The following FCHSD2 variants were observed in gnomAD, a reference collection of about 807,000 sequenced individuals.
FCHSD2 encodes FCH and double SH3 domains 2.
In FCHSD2, 38 loss-of-function variants were observed where a neutral mutation model predicts 108.1. The ratio of observed to expected loss-of-function variants is 0.35; its 90% CI spans 0.27 to 0.46. FCHSD2 has a LOEUF of 0.46. Among genes scored for constraint, FCHSD2 ranks in the 20% least tolerant of loss-of-function variants. The pLI is 1.00. For missense variants in FCHSD2, 751 were observed against 897.8 expected, an observed-to-expected ratio of 0.84 and a Z score of 2.09; for synonymous variants, 279 against 314.7, an observed-to-expected ratio of 0.89 and a Z score of 1.20.
intron 3 of FCHSD2, among the ~76,000 whole-genome samples, chr11:73,076,046 G>A (rs528598150): frequency 3.3e-5 from 5 of 152,030 alleles, no homozygotes; most frequent in East Asian, 3.9e-4. Context: ...CTGAGCCCCC[G>A]GGAGGTCGAG....
intron 2 of FCHSD2, among the ~76,000 whole-genome samples, chr11:73,092,996 G>A (rs1031125390): frequency 4.6e-5 from 7 of 152,152 alleles, no homozygotes; most frequent in Non-Finnish European, 1.0e-4. Context: ...GGGATGATGA[G>A]CCTTGGGTCA....
chr11:72,913,846 A>C (rs1192105660), intron 9 of FCHSD2, among the ~76,000 whole-genome samples: 1 of 151,348 alleles, frequency 6.6e-6, no homozygotes, highest in Non-Finnish European at 1.5e-5. Context: ...AAAAAAAAAA[A>C]CCCTAGAAAT....
intron 17 of FCHSD2, among the ~76,000 whole-genome samples, chr11:72,842,061 C>T (rs1158529818): frequency 1.3e-5 from 2 of 152,190 alleles, no homozygotes; most frequent in African/African-American, 4.8e-5. Flanking sequence ...ACCTGTCTGG[C>T]CTGCAGTGAT....
chr11:72,931,546 C>G (rs1221822300), intron 8 of FCHSD2, among the ~76,000 whole-genome samples: 1 of 151,746 alleles, frequency 6.6e-6, no homozygotes, highest in African/African-American at 2.4e-5. Context: ...GCAGGTGGAT[C>G]ACAAGGTCAG....
intron 4 of FCHSD2, among the ~76,000 whole-genome samples, chr11:73,005,456 C>A (rs1591476269): frequency 1.3e-5 from 2 of 152,232 alleles, no homozygotes; most frequent in South Asian, 4.1e-4. Flanking sequence ...CTTCACTTGG[C>A]TTCCAGGACA....
intron 2 of FCHSD2, among the ~76,000 whole-genome samples, chr11:73,106,411 AAAAAAAAAAAAG>A (rs1860344565): frequency 6.6e-6 from 1 of 151,026 alleles, no homozygotes; most frequent in African/African-American, 2.4e-5. Flanking sequence ...GTCTCCAAAA[AAAAAAAAAAAAG>A]AAAAAGAAAA....
intron 2 of FCHSD2, among the ~76,000 whole-genome samples, chr11:73,086,551 TAAAC>T (rs1048838156): frequency 2.6e-5 from 4 of 152,132 alleles, no homozygotes; most frequent in African/African-American, 7.2e-5. Flanking sequence ...AGAAAAGAGA[TAAAC>T]AAAGACAGTA....
chr11:73,058,506 G>A (rs966591271), intron 3 of FCHSD2, among the ~76,000 whole-genome samples: 1 of 151,890 alleles, frequency 6.6e-6, no homozygotes, highest in Non-Finnish European at 1.5e-5. Flanking sequence ...ATTAGGGAAA[G>A]GCTTCAAGAT....
chr11:73,083,559 A>AT (rs1859746935), intron 3 of FCHSD2, 136 bp downstream of exon 3: 5 of 582,358 alleles, frequency 8.6e-6, no homozygotes, highest in Non-Finnish European at 5.9e-6. Flanking sequence ...GAAAAAAAGA[A>AT]AAAAAAAAAA....
At chr11:72,942,117 C>T (rs1277132241) in intron 8 of FCHSD2, among the ~76,000 whole-genome samples, 2 of 152,192 alleles carry the variant, frequency 1.3e-5, no homozygotes, top group African/African-American at 4.8e-5. Flanking sequence ...TGTGTCATGG[C>T]AGCAGATCCC....
chr11:72,965,029 T>C (rs977509115), intron 8 of FCHSD2, among the ~76,000 whole-genome samples: 1 of 152,088 alleles, frequency 6.6e-6, no homozygotes, highest in Non-Finnish European at 1.5e-5. Flanking sequence ...AACCTCATGA[T>C]CCGCCCGCCT....
intron 11 of FCHSD2, 88 bp downstream of exon 11, chr11:72,889,741 T>C: frequency 1.3e-6 from 1 of 741,970 alleles, no homozygotes; most frequent in Non-Finnish European, 2.3e-6. Flanking sequence ...ACATATAGGA[T>C]ATTTTTCACA....
chr11:72,885,149 T>TC (rs1855169984), intron 12 of FCHSD2, among the ~76,000 whole-genome samples: 1 of 152,254 alleles, frequency 6.6e-6, no homozygotes, highest in East Asian at 1.9e-4. Flanking sequence ...ATGATAATCC[T>TC]GTAAGTACTA....
At chr11:73,136,629 A>G (rs1861126377) in intron 2 of FCHSD2, among the ~76,000 whole-genome samples, 1 of 152,238 alleles carries the variant, frequency 6.6e-6, no homozygotes, top group Admixed American at 6.5e-5. Context: ...GTGAATTCAT[A>G]CTAACTTAAA....
At chr11:72,949,576 C>T (rs1246907665) in intron 8 of FCHSD2, among the ~76,000 whole-genome samples, 1 of 152,216 alleles carries the variant, frequency 6.6e-6, no homozygotes, top group African/African-American at 2.4e-5. Context: ...AATCTACTTT[C>T]TACATTTCTG....
In FCHSD2 at chr11:72,840,860, C is replaced by T; in HGVS notation, c.2139+17G>A. 6.4e-7 allele frequency: 1 copy of T among 1,562,114 alleles called. No individual in the cohort carries two copies. The highest frequency in any genetic ancestry group is 8.8e-7 in the Non-Finnish European group (1 of 1,132,828). On this transcript the variant is annotated intron_variant, in intron 19 of 19. Transcript: ENST00000409418. Reference sequence around the variant, plus strand: ...AAGAACTATGCATTCGATAATCCTGCAAGATCAGAGACTTACAGGTCGCAG... The same window carrying T: ...AAGAACTATGCATTCGATAATCCTGTAAGATCAGAGACTTACAGGTCGCAG...
chr11:72,838,630 A>T lies in FCHSD2; in HGVS notation c.*161T>A, dbSNP rs914810812. The T allele has an allele frequency of 1.3e-5, 8 of 608,708 alleles. No individual in the cohort carries two copies. The highest frequency in any genetic ancestry group is 2.3e-5 in the Non-Finnish European group (8 of 343,038). 37.7% of individuals were successfully genotyped at this position (608,708 alleles called of 1,614,324 possible). A position where few individuals can be genotyped will look rare whatever the true frequency, so the allele number is the denominator to read the frequency against. On this transcript the variant is annotated 3_prime_UTR_variant, in exon 20 of 20. Transcript: ENST00000409418. ...AAAAAAAAAAGGCACGAAATATTCA[A>T]AACGTGGGAGGAGTCTACCAGGCCA... is the stretch of plus-strand genomic sequence containing the variant.
At chr11:73,005,485 C>T (rs1483855947) in intron 4 of FCHSD2, among the ~76,000 whole-genome samples, 2 of 152,192 alleles carry the variant, frequency 1.3e-5, no homozygotes, top group African/African-American at 4.8e-5. Context: ...CCTTGGTCTA[C>T]TCCCACCTCA....
At chr11:73,071,933 G>A (rs1446028706) in intron 3 of FCHSD2, among the ~76,000 whole-genome samples, 4 of 151,984 alleles carry the variant, frequency 2.6e-5, no homozygotes, top group Admixed American at 2.6e-4. Context: ...AAAATACAGA[G>A]AAAGAGTCCA....
Sources: gnomAD v4.1 joint callset for allele counts (sites outside exome capture counted in the v4.1 genomes callset) on GRCh38, gnomAD v4.1.1 for gene constraint, MANE v1.5 for transcripts, NCBI Gene and HGNC (gene_info 2026-07-23, HGNC 2026-07-21) for gene names.